THRB: variants seen among roughly 807,000 people sequenced by gnomAD.
THRB encodes the protein nuclear receptor subfamily 1 group A member 2.
THRB carries 12 observed loss-of-function variants against 47.8 expected under a neutral mutation model. The observed-to-expected ratio is 0.25, with a 90% CI of 0.16 to 0.41. The LOEUF is 0.41. THRB is among the 10% of genes least tolerant of loss of function. The pLI is 1.00. For missense variants in THRB, 348 were observed against 589.2 expected, an observed-to-expected ratio of 0.59 and a Z score of 4.24; for synonymous variants, 218 against 212.2, an observed-to-expected ratio of 1.03 and a Z score of -0.24.
intron 3 of THRB, among the ~76,000 whole-genome samples, chr3:24,278,068 G>A (rs1466922246): frequency 1.3e-5 from 2 of 152,132 alleles, no homozygotes; most frequent in Admixed American, 1.3e-4. Context: ...TTTAAGGTGG[G>A]TTAAAGAAAT....
At chr3:24,321,728 T>C (rs539998484) in intron 2 of THRB, among the ~76,000 whole-genome samples, 33 of 152,286 alleles carry the variant, frequency 2.2e-4, no homozygotes, top group Non-Finnish European at 4.7e-4. Context: ...CTAGAATCTA[T>C]GCTGTGATGT....
At chr3:24,136,595 C>T (rs1559424439) in intron 8 of THRB, among the ~76,000 whole-genome samples, 8 of 152,168 alleles carry the variant, frequency 5.3e-5, no homozygotes, top group Admixed American at 4.6e-4. Context: ...CTAATAGCCT[C>T]GTAAACTACT....
intron 3 of THRB, among the ~76,000 whole-genome samples, chr3:24,245,252 C>T (rs1016587913): frequency 1.6e-4 from 15 of 96,758 alleles, no homozygotes; most frequent in Non-Finnish European, 3.7e-4. Context: ...CTTTGTGACC[C>T]AGCTGGCAAG....
At chr3:24,353,604 T>G (rs2063491894) in intron 1 of THRB, among the ~76,000 whole-genome samples, 1 of 152,042 alleles carries the variant, frequency 6.6e-6, no homozygotes, top group Non-Finnish European at 1.5e-5. Flanking sequence ...GGCTCAGTGT[T>G]GCATTGCCAG....
rs565247144 is a variant in THRB at position 24,120,318 on chromosome 3, A to C, written c.*2566T>G. ...GCCTATTGAAGGCAATCAATCATTTAAGGTGCCAAGGATCAAACGTTCCTT... is the reference window on the plus strand; with the variant it reads ...GCCTATTGAAGGCAATCAATCATTTCAGGTGCCAAGGATCAAACGTTCCTT... On this transcript the variant is annotated 3_prime_UTR_variant, in exon 11 of 11. Transcript: ENST00000646209. 1.3e-5 allele frequency: 2 copies of C among 152,364 alleles called. No homozygotes were observed. The highest frequency in any genetic ancestry group is 3.9e-4 in the East Asian group (2 of 5,186). The allele number at this position is 152,364 out of a possible 1,614,324, so 9.4% of individuals were successfully genotyped here.
chr3:24,121,797 C>T lies in THRB; in HGVS notation c.*1087G>A, dbSNP rs923954210. On this transcript the variant is annotated 3_prime_UTR_variant, in exon 11 of 11. Transcript: ENST00000646209. ...GCTTGAGGATCTAACCAGGAGGAAGCGTCCTCCAGCCATCAGGACACAAAG... is the reference window on the plus strand; with the variant it reads ...GCTTGAGGATCTAACCAGGAGGAAGTGTCCTCCAGCCATCAGGACACAAAG... The T allele has an allele frequency of 3.3e-5, 5 of 152,284 alleles. No individual in the cohort carries two copies. The highest frequency in any genetic ancestry group is 4.4e-5 in the Non-Finnish European group (3 of 68,072). The allele number at this position is 152,284 out of a possible 1,614,324, so 9.4% of individuals were successfully genotyped here.
intron 1 of THRB, among the ~76,000 whole-genome samples, chr3:24,453,844 T>C (rs1279912997): frequency 6.6e-6 from 1 of 152,146 alleles, no homozygotes; most frequent in African/African-American, 2.4e-5. Context: ...CATTCCTGTC[T>C]CATGGCCTTT....
At chr3:24,208,274 C>T (rs137894848) in intron 4 of THRB, among the ~76,000 whole-genome samples, 51,895 of 151,762 alleles carry the variant, frequency 0.34, 9,592 homozygotes, top group Non-Finnish European at 0.41. Context: ...CCATACTGCC[C>T]AAGGTAATTT....
Position 24,133,316 on chromosome 3 carries a change from C to T in THRB, c.885G>A (p.Glu295=), listed in dbSNP as rs1365448607. The T allele has an allele frequency of 6.2e-7, 1 of 1,613,938 alleles. No homozygotes were observed. The highest frequency in any genetic ancestry group is 1.3e-5 in the African/African-American group (1 of 74,896). The change falls in exon 9 of 11, where the codon GAG becomes GAA. Residue 295 remains glutamate, a splice_region_variant and synonymous_variant. Transcript: ENST00000646209. ...DFAKKLPMFC[E]LPCEDQIILL... ...GCAGAAGGAAAAACAACATCCTCAC[C>T]TCACAAAACATAGGCAACTTTTTGG...
intron 3 of THRB, among the ~76,000 whole-genome samples, chr3:24,284,281 T>G (rs2054983753): frequency 6.6e-6 from 1 of 151,526 alleles, no homozygotes; most frequent in Non-Finnish European, 1.5e-5. Context: ...ACGCCACATA[T>G]CTACAACTAT....
At chr3:24,396,058 G>A (rs2066936735) in intron 1 of THRB, among the ~76,000 whole-genome samples, 1 of 152,058 alleles carries the variant, frequency 6.6e-6, no homozygotes, top group Non-Finnish European at 1.5e-5. Context: ...TGATTGTGGT[G>A]ATGGTGACAC....
At chr3:24,205,678 T>A (rs1374649219) in intron 4 of THRB, among the ~76,000 whole-genome samples, 2 of 152,182 alleles carry the variant, frequency 1.3e-5, no homozygotes, top group East Asian at 1.9e-4. Context: ...AATGGGCTCA[T>A]TGCTCCAATT....
rs1356407941 is a variant in THRB at position 24,121,259 on chromosome 3, A to G, written c.*1625T>C. ...AAATCTACCAGTTGACAGAGCACGAACTAGAACTCAGGCACCCAGACTTCT... is the reference window on the plus strand; with the variant it reads ...AAATCTACCAGTTGACAGAGCACGAGCTAGAACTCAGGCACCCAGACTTCT... On this transcript the variant is annotated 3_prime_UTR_variant, in exon 11 of 11. Transcript: ENST00000646209. The G allele has an allele frequency of 6.6e-6, 1 of 152,656 alleles. No homozygotes were observed. The highest frequency in any genetic ancestry group is 1.5e-5 in the Non-Finnish European group (1 of 68,044). The allele number at this position is 152,656 out of a possible 1,614,324, so 9.5% of individuals were successfully genotyped here. A position where few individuals can be genotyped will look rare whatever the true frequency, so the allele number is the denominator to read the frequency against.
At chr3:24,460,816 T>G (rs2073627994) in intron 1 of THRB, among the ~76,000 whole-genome samples, 1 of 152,226 alleles carries the variant, frequency 6.6e-6, no homozygotes, top group Non-Finnish European at 1.5e-5. Context: ...GTCACAATTT[T>G]AGTTGATAAG....
At chr3:24,392,294 A>G (rs777051028) in intron 1 of THRB, among the ~76,000 whole-genome samples, 1 of 152,074 alleles carries the variant, frequency 6.6e-6, no homozygotes, top group Non-Finnish European at 1.5e-5. Flanking sequence ...TATATGTGAT[A>G]TTTTGATACC....
chr3:24,219,679 C>T (rs143545354), intron 4 of THRB, among the ~76,000 whole-genome samples: 47 of 152,288 alleles, frequency 3.1e-4, no homozygotes, highest in Admixed American at 2.8e-3. Flanking sequence ...TTTGTAGGTA[C>T]TCAGATGGCC....
intron 1 of THRB, among the ~76,000 whole-genome samples, chr3:24,413,233 C>G (rs2068459435): frequency 6.6e-6 from 1 of 151,828 alleles, no homozygotes; most frequent in East Asian, 2.0e-4. Context: ...TGTTAAGGAC[C>G]ATTTGAAAAG....
At chr3:24,300,163 G>C (rs552040517) in intron 2 of THRB, among the ~76,000 whole-genome samples, 9 of 152,134 alleles carry the variant, frequency 5.9e-5, no homozygotes, top group Non-Finnish European at 1.3e-4. Context: ...CTGAGGCTGA[G>C]CAACCAGAGA....
rs533110440 is a variant in THRB, at chr3:24,261,512, A to C, written c.-42-32511T>G. 4.6e-3 allele frequency among the ~76,000 whole-genome samples: 693 copies of C among 150,036 alleles called. 8 individuals are homozygous for C. Among genetic ancestry groups the C allele is most frequent in the African/African-American group, 0.016 (643 of 40,142 alleles). On this transcript the variant is annotated intron_variant, in intron 3 of 10. Transcript: ENST00000646209. ...GATTCTGTCTCAAAAAAAAAAAAAA[A>C]AAAAAACCAAAAAAAACTCTCTAGA... is the stretch of plus-strand genomic sequence containing the variant.
Sources: allele counts gnomAD v4.1 joint callset (sites outside exome capture counted in the v4.1 genomes callset), GRCh38; gene constraint gnomAD v4.1.1; transcripts MANE v1.5; gene names NCBI Gene and HGNC (gene_info 2026-07-23, HGNC 2026-07-21).